CDYL: variants seen among roughly 807,000 people sequenced by gnomAD.
The protein encoded by CDYL is chromodomain Y-like protein.
In CDYL, 8 loss-of-function variants were observed where a neutral mutation model predicts 47.3. The observed-to-expected ratio is 0.17, with a 90% CI of 0.10 to 0.31. CDYL has a LOEUF of 0.31. Ranked by LOEUF, CDYL falls within the 10% of genes least tolerant of loss-of-function variation. The pLI, the probability that CDYL is intolerant of heterozygous loss-of-function variation, is 1.00. For synonymous variants in CDYL, 266 were observed against 265.0 expected (o/e 1.00, Z -0.04); for missense variants, 471 against 701.4 (o/e 0.67, Z 3.71).
intron 2 of CDYL, chr6:4,734,664 A>T (rs62384815): frequency 0.26 from 386,224 of 1,496,386 alleles, 53,094 homozygotes; most frequent in Admixed American, 0.33. Context: ...GGGAGGGCAC[A>T]GGGATGGGAA....
chr6:4,720,978 A>G (rs1317748955), intron 2 of CDYL, among the ~76,000 whole-genome samples: 2 of 152,192 alleles, frequency 1.3e-5, no homozygotes, highest in African/African-American at 4.8e-5. Flanking sequence ...TTTTCTCAAA[A>G]TGTTAGCTTG....
chr6:4,852,398 C>CTCCT (rs760227851), intron 1 of CDYL, among the ~76,000 whole-genome samples: 2 of 123,434 alleles, frequency 1.6e-5, no homozygotes, highest in East Asian at 4.6e-4. Flanking sequence ...TCCTTCCTTC[C>CTCCT]TCCTTCCTTC....
At chr6:4,833,636 T>C (rs2127454943) in intron 1 of CDYL, among the ~76,000 whole-genome samples, 1 of 150,342 alleles carries the variant, frequency 6.7e-6, no homozygotes, top group South Asian at 2.1e-4. Flanking sequence ...CTTGTTGACT[T>C]TCTGTCTTGT....
Position 4,776,725 on chromosome 6 carries a change from G to A in CDYL, c.-59G>A. Reference sequence around the variant, plus strand: ...ACCCAACTGAAACAAAGTGTCGGCCGCCCGGCGCCGGCGCCCGCCCCGACC... The same window carrying A: ...ACCCAACTGAAACAAAGTGTCGGCCACCCGGCGCCGGCGCCCGCCCCGACC... On this transcript the variant is annotated 5_prime_UTR_variant, in exon 1 of 7. Coordinates refer to ENST00000397588, the MANE Select transcript of CDYL (RefSeq NM_004824.4). The A allele has an allele frequency of 3.2e-6, 4 of 1,268,816 alleles. No homozygotes were observed. The highest frequency in any genetic ancestry group is 3.0e-6 in the Non-Finnish European group (3 of 984,902). 78.6% of individuals were successfully genotyped at this position (1,268,816 alleles called of 1,614,324 possible). A position where few individuals can be genotyped will look rare whatever the true frequency, so the allele number is the denominator to read the frequency against.
At chr6:4,814,734 G>A (rs1581184348) in intron 1 of CDYL, among the ~76,000 whole-genome samples, 2 of 152,118 alleles carry the variant, frequency 1.3e-5, no homozygotes, top group African/African-American at 4.8e-5. Flanking sequence ...TGTTGGCCAG[G>A]CTGCTCTCGA....
At chr6:4,888,838 G>A (rs1160522963) in intron 1 of CDYL, among the ~76,000 whole-genome samples, 1 of 152,062 alleles carries the variant, frequency 6.6e-6, no homozygotes. Flanking sequence ...AGACATTTTG[G>A]GGGGAGGTGG....
intron 2 of CDYL, among the ~76,000 whole-genome samples, chr6:4,927,006 G>A (rs1033719851): frequency 3.3e-5 from 5 of 152,148 alleles, no homozygotes; most frequent in African/African-American, 9.6e-5. Context: ...TTATTGACCC[G>A]TATTTTTAAA....
intron 1 of CDYL, among the ~76,000 whole-genome samples, chr6:4,888,961 C>A (rs1761968067): frequency 6.6e-6 from 1 of 152,134 alleles, no homozygotes; most frequent in Admixed American, 6.5e-5. Context: ...GATTGCAATC[C>A]TTTTAAATGT....
At chr6:4,829,749 G>A (rs1255436380) in intron 1 of CDYL, among the ~76,000 whole-genome samples, 4 of 152,116 alleles carry the variant, frequency 2.6e-5, no homozygotes, top group Non-Finnish European at 5.9e-5. Flanking sequence ...TTCAGATGTC[G>A]TGCCGTGGTC....
intron 1 of CDYL, among the ~76,000 whole-genome samples, chr6:4,854,157 TTCA>T (rs1760936116): frequency 6.6e-6 from 1 of 152,194 alleles, no homozygotes; most frequent in Non-Finnish European, 1.5e-5. Context: ...TGCTAGTTCT[TTCA>T]GTCAGCAGAT....
At chr6:4,797,182 A>T (rs1759095648) in intron 1 of CDYL, among the ~76,000 whole-genome samples, 2 of 151,458 alleles carry the variant, frequency 1.3e-5, no homozygotes, top group African/African-American at 4.8e-5. Flanking sequence ...ACTTTAATTT[A>T]TATCCATCTT....
chr6:4,949,634 C>T (rs997723588), intron 5 of CDYL, among the ~76,000 whole-genome samples: 4 of 152,210 alleles, frequency 2.6e-5, no homozygotes, highest in Non-Finnish European at 4.4e-5. Context: ...CTCAGAGCAA[C>T]GTGCTAGCTG....
chr6:4,888,253 T>A (rs1417740162), intron 1 of CDYL, among the ~76,000 whole-genome samples: 1 of 152,120 alleles, frequency 6.6e-6, no homozygotes, highest in Non-Finnish European at 1.5e-5. Flanking sequence ...AGAACAGGTA[T>A]TTTTAAAAAT....
intron 1 of CDYL, among the ~76,000 whole-genome samples, chr6:4,862,325 G>T (rs1173328533): frequency 2.0e-5 from 3 of 152,172 alleles, no homozygotes; most frequent in Non-Finnish European, 4.4e-5. Context: ...TTTTGAGGGG[G>T]TGGGATGAGT....
At chr6:4,797,529 G>A (rs1028679411) in intron 1 of CDYL, among the ~76,000 whole-genome samples, 5 of 151,442 alleles carry the variant, frequency 3.3e-5, no homozygotes, top group South Asian at 2.1e-4. Flanking sequence ...TACAGCCGCC[G>A]CCACCACTAT....
chr6:4,930,025 G>A (rs933006613), intron 2 of CDYL, among the ~76,000 whole-genome samples: 2 of 152,166 alleles, frequency 1.3e-5, no homozygotes, highest in African/African-American at 4.8e-5. Flanking sequence ...TTACTTTGAA[G>A]CTTTGTTAGT....
chr6:4,716,799 G>C (rs921892699), intron 2 of CDYL, among the ~76,000 whole-genome samples: 1 of 152,026 alleles, frequency 6.6e-6, no homozygotes, highest in Non-Finnish European at 1.5e-5. Flanking sequence ...AAAAAGCATG[G>C]AGCAAGGTGC....
At chr6:4,775,328 T>G (rs531947836), upstream of CDYL, 21 of 152,498 alleles carry the variant, frequency 1.4e-4, no homozygotes, top group African/African-American at 5.1e-4. The surrounding 1 kb of genome is among the most constrained non-coding windows in gnomAD (Gnocchi z 7.0). Flanking sequence ...AGGAAGCCCC[T>G]TCTTTCGCCA....
chr6:4,720,285 A>T (rs1307606046), intron 2 of CDYL, among the ~76,000 whole-genome samples: 2 of 152,206 alleles, frequency 1.3e-5, no homozygotes, highest in African/African-American at 4.8e-5. Context: ...GGTCTTGAAA[A>T]ATTCTTAAAA....
Sources: gnomAD v4.1 joint callset for allele counts (sites outside exome capture counted in the v4.1 genomes callset) on GRCh38, gnomAD v4.1.1 for gene constraint, Gnocchi (gnomAD v3.1) non-coding constraint, MANE v1.5 for transcripts, NCBI Gene and HGNC (gene_info 2026-07-23, HGNC 2026-07-21) for gene names.